Variants in PXMP4 observed in about 807,000 individuals in gnomAD.
The protein encoded by PXMP4 is 24 kDa peroxisomal intrinsic membrane protein.
In PXMP4, 16 loss-of-function variants were observed where a neutral mutation model predicts 21.6. That is an observed-to-expected ratio of 0.74 (90% CI 0.50 to 1.13). The LOEUF (loss-of-function observed/expected upper bound fraction) is 1.13. Among genes scored for constraint, PXMP4 ranks in the 50% most tolerant of loss-of-function variants. The probability of loss-of-function intolerance (pLI) is 0.00; values close to 1 mark genes in which losing one functional copy is unlikely to be tolerated. For missense variants in PXMP4, 240 were observed against 277.7 expected, an observed-to-expected ratio of 0.86 and a Z score of 0.96; for synonymous variants, 127 against 123.8, an observed-to-expected ratio of 1.03 and a Z score of -0.17.
chr20:33,712,555 T>G (rs2018339921), intron 2 of PXMP4, among the ~76,000 whole-genome samples: 1 of 152,208 alleles, frequency 6.6e-6, no homozygotes, highest in African/African-American at 2.4e-5. Context: ...GTTTGAGCGA[T>G]TCTCCTGCCT....
intron 1 of PXMP4, among the ~76,000 whole-genome samples, chr20:33,717,417 G>T (rs2018394174): frequency 6.6e-6 from 1 of 151,266 alleles, no homozygotes; most frequent in South Asian, 2.1e-4. Context: ...GAGGCGGGCG[G>T]ATCACGAGGT....
intron 2 of PXMP4, among the ~76,000 whole-genome samples, chr20:33,713,027 G>T (rs1226738410): frequency 6.6e-6 from 1 of 152,244 alleles, no homozygotes; most frequent in Non-Finnish European, 1.5e-5. Flanking sequence ...CTCCCAAAAT[G>T]TTGGGATTAT....
intron 2 of PXMP4, among the ~76,000 whole-genome samples, chr20:33,713,223 C>T (rs1401799474): frequency 1.3e-5 from 2 of 152,084 alleles, no homozygotes; most frequent in Non-Finnish European, 2.9e-5. Flanking sequence ...AAGCTGTGAC[C>T]CGCCTCTCTG....
chr20:33,710,166 C>T (rs1242948889), intron 3 of PXMP4, among the ~76,000 whole-genome samples: 20 of 144,642 alleles, frequency 1.4e-4, no homozygotes, highest in African/African-American at 4.7e-4. Flanking sequence ...ACGCCCTTTC[C>T]CCACTCCTAC....
chr20:33,707,527 G>A lies in PXMP4; in HGVS notation c.*179C>T. 1 of 908,940 alleles carries A rather than the reference G, an allele frequency of 1.1e-6. No homozygotes were observed. The highest frequency in any genetic ancestry group is 1.6e-6 in the Non-Finnish European group (1 of 621,662). The allele number at this position is 908,940 out of a possible 1,614,324, so 56.3% of individuals were successfully genotyped here. On this transcript the variant is annotated 3_prime_UTR_variant, in exon 4 of 4. Coordinates refer to ENST00000409299, the MANE Select transcript of PXMP4 (RefSeq NM_007238.5). ...ATTCCTCAGCCTGATTCGGCCACTT[G>A]TGCCACCATACAAAGGTACCCACTG...
chr20:33,714,636 G>A, intron 2 of PXMP4, 38 bp downstream of exon 2: 1 of 1,594,966 alleles, frequency 6.3e-7, no homozygotes, highest in Non-Finnish European at 8.6e-7. Flanking sequence ...TGGCACTGAG[G>A]GCTGACCACA....
At chr20:33,711,124 C>T (rs1265040855) in intron 2 of PXMP4, among the ~76,000 whole-genome samples, 1 of 152,156 alleles carries the variant, frequency 6.6e-6, no homozygotes, top group Non-Finnish European at 1.5e-5. Flanking sequence ...GGGCTTGGCA[C>T]GTAGTAGGTG....
At position 33,720,148 on chromosome 20, in the gene PXMP4, CT is replaced by C; in HGVS notation, c.59del (p.Lys20SerfsTer32). ...CGGCCAACGCAGCGTGGTAGCGGCG[CT>C]TGCGCAGCAGTGCGTTGACGACTAC... is the stretch of plus-strand genomic sequence containing the variant. The part of the protein sequence containing the change: ...LLVVVNALLR[K>X]RRYHAALAVL... On this transcript the variant is annotated frameshift_variant, in exon 1 of 4. Transcript: ENST00000409299. LOFTEE classifies it high-confidence loss of function. 3 of 1,613,616 alleles carry C rather than the reference CT, an allele frequency of 1.9e-6. No homozygotes were observed. Among genetic ancestry groups the C allele is most frequent in the Non-Finnish European group, 2.5e-6 (3 of 1,179,922 alleles).
In PXMP4 at chr20:33,704,992, T is replaced by G. The variant is rs1029270211; in HGVS notation, c.*2714A>C. The G allele has an allele frequency of 6.2e-5, 5 of 80,890 alleles. No individual in the cohort carries two copies. The highest frequency in any genetic ancestry group is 2.5e-4 in the African/African-American group (5 of 20,136). The allele number at this position is 80,890 out of a possible 1,614,324, so 5.0% of individuals were successfully genotyped here. A position where few individuals can be genotyped will look rare whatever the true frequency, so the allele number is the denominator to read the frequency against. On this transcript the variant is annotated 3_prime_UTR_variant, in exon 4 of 4. Coordinates refer to ENST00000409299, the MANE Select transcript of PXMP4 (RefSeq NM_007238.5). ...TTGTTTGATTTGTCCAGGATTGTGT[T>G]TTTTTTTTTTTTTTTTTTTTTGAGA...
intron 1 of PXMP4, 68 bp downstream of exon 1, chr20:33,720,027 C>T: frequency 6.7e-7 from 1 of 1,484,602 alleles, no homozygotes; most frequent in Non-Finnish European, 9.4e-7. Context: ...CATCGGACTT[C>T]GAACTCGCGC....
chr20:33,716,372 T>C (rs1601208888), intron 1 of PXMP4, among the ~76,000 whole-genome samples: 1 of 152,286 alleles, frequency 6.6e-6, no homozygotes, highest in East Asian at 1.9e-4. Context: ...CAGGTTCTTC[T>C]CTGCTCCTGG....
chr20:33,706,437 A>AT lies in PXMP4; in HGVS notation c.*1268_*1269insA, dbSNP rs1372685860. On this transcript the variant is annotated 3_prime_UTR_variant, in exon 4 of 4. Coordinates refer to ENST00000409299, the MANE Select transcript of PXMP4 (RefSeq NM_007238.5). The stretch of plus-strand genomic sequence containing the variant: ...CGAGACCCTGTCGCTACTTAAAAAA[A>AT]AAAAATAATAATAATATGTGGAAAA... 1.3e-5 allele frequency: 2 copies of AT among 152,016 alleles called. No homozygotes were observed. The highest frequency in any genetic ancestry group is 4.8e-5 in the African/African-American group (2 of 41,400). The allele number at this position is 152,016 out of a possible 1,614,324, so 9.4% of individuals were successfully genotyped here.
At chr20:33,712,575 G>A (rs1451262852) in intron 2 of PXMP4, among the ~76,000 whole-genome samples, 3 of 152,176 alleles carry the variant, frequency 2.0e-5, no homozygotes, top group East Asian at 1.9e-4. Flanking sequence ...TCAGCCTCCC[G>A]AGTAGCTGGG....
At chr20:33,709,080 G>A (rs2018294588) in intron 3 of PXMP4, among the ~76,000 whole-genome samples, 1 of 152,142 alleles carries the variant, frequency 6.6e-6, no homozygotes, top group Non-Finnish European at 1.5e-5. Flanking sequence ...CATCATCTGA[G>A]GTCAGGAGTT....
rs1256250656 is a variant in PXMP4 at position 33,703,941 on chromosome 20, C to T, written c.*3765G>A. ...ATTTAGAGGAGCTATAGGCAGGGCA[C>T]CCCCACCATCTGCTATAAAACCTGC... On this transcript the variant is annotated 3_prime_UTR_variant, in exon 4 of 4. Transcript: ENST00000409299. 6.6e-6 allele frequency: 1 copy of T among 152,210 alleles called. No homozygotes were observed. Among genetic ancestry groups the T allele is most frequent in the Non-Finnish European group, 1.5e-5 (1 of 68,098 alleles). 9.4% of individuals were successfully genotyped at this position (152,210 alleles called of 1,614,324 possible).
intron 3 of PXMP4, among the ~76,000 whole-genome samples, chr20:33,708,183 T>C: frequency 7.1e-6 from 1 of 141,106 alleles, no homozygotes; most frequent in East Asian, 2.0e-4. Flanking sequence ...TCTGTACTAA[T>C]TTTTTTTTTT....
rs1466485149 is a variant in PXMP4 at position 33,720,187 on chromosome 20, T to C, written c.21A>G (p.Leu7=). The change falls in exon 1 of 4, where the codon CTA becomes CTG. Residue 7 remains leucine, a synonymous_variant. Transcript: ENST00000409299. MAAPPQ[L]RALLVVVNAL... is the part of the protein sequence containing the mutation. The stretch of plus-strand genomic sequence containing the variant: ...CGTTGACGACTACGAGCAGAGCCCT[T>C]AGCTGCGGCGGGGCTGCCATAGTGC... The C allele has an allele frequency of 6.2e-7, 1 of 1,612,216 alleles. No homozygotes were observed. The highest frequency in any genetic ancestry group is 8.5e-7 in the Non-Finnish European group (1 of 1,179,426).
rs756751235 is a variant in PXMP4, at chr20:33,703,342, G to C, written c.*4364C>G. 6.6e-5 allele frequency: 10 copies of C among 152,236 alleles called. No homozygotes were observed. The highest frequency in any genetic ancestry group is 1.3e-4 in the Non-Finnish European group (9 of 68,042). 9.4% of individuals were successfully genotyped at this position (152,236 alleles called of 1,614,324 possible). ...TATTCTTTAACCCTCCACACCACTC[G>C]ATGAGGTGTGTGCTACGACAACGCC... On this transcript the variant is annotated 3_prime_UTR_variant, in exon 4 of 4. Coordinates refer to ENST00000409299, the MANE Select transcript of PXMP4 (RefSeq NM_007238.5).
At chr20:33,720,036 G>C (rs2018431229) in intron 1 of PXMP4, 59 bp downstream of exon 1, 1 of 1,527,676 alleles carries the variant, frequency 6.5e-7, no homozygotes, top group Admixed American at 1.7e-5. Context: ...TCGAACTCGC[G>C]CCTCTGACCC....
Sources: allele counts gnomAD v4.1 joint callset (sites outside exome capture counted in the v4.1 genomes callset), GRCh38; gene constraint gnomAD v4.1.1; transcripts MANE v1.5; gene names NCBI Gene and HGNC (gene_info 2026-07-23, HGNC 2026-07-21).